TMEM132D: variants seen among roughly 807,000 people sequenced by gnomAD.
TMEM132D encodes transmembrane protein 132D.
In TMEM132D, 21 loss-of-function variants were observed where a neutral mutation model predicts 62.3. That is an observed-to-expected ratio of 0.34 (90% CI 0.24 to 0.49). The LOEUF (loss-of-function observed/expected upper bound fraction) is 0.49, where lower values mean the gene tolerates loss of function less well. Ranked by LOEUF, TMEM132D falls within the 20% of genes least tolerant of loss-of-function variation. The pLI is 0.99. For synonymous variants in TMEM132D, 621 were observed against 575.6 expected (o/e 1.08, Z -1.13); for missense variants, 1,346 against 1,402.8 (o/e 0.96, Z 0.65).
Position 129,497,262 on chromosome 12 carries a change from G to A in TMEM132D, c.1115+33797C>T, listed in dbSNP as rs1334486158. Among the ~76,000 whole-genome samples, 5 of 152,206 alleles carry A rather than the reference G, an allele frequency of 3.3e-5. No individual in the cohort carries two copies. The East Asian group carries it at 9.7e-4, about 29-fold the overall frequency. ...GGCGGAGGTTGTAGTGGGCTGAGATGGAACTACTGCATTCCGGCCTGGGCA... is the reference window on the plus strand; with the variant it reads ...GGCGGAGGTTGTAGTGGGCTGAGATAGAACTACTGCATTCCGGCCTGGGCA... On this transcript the variant is annotated intron_variant, in intron 3 of 8. Transcript: ENST00000422113.
chr12:129,689,917 G>A (rs1204566784), intron 2 of TMEM132D, among the ~76,000 whole-genome samples: 1 of 152,182 alleles, frequency 6.6e-6, no homozygotes, highest in Non-Finnish European at 1.5e-5. Context: ...GGAGAACTGA[G>A]GTTGTAGGAC....
chr12:129,670,658 T>C (rs1880481521), intron 2 of TMEM132D, among the ~76,000 whole-genome samples: 1 of 152,214 alleles, frequency 6.6e-6, no homozygotes, highest in Non-Finnish European at 1.5e-5. Context: ...AATAAAACTC[T>C]GGTCTCCCAC....
chr12:129,352,501 A>G (rs1037778873), intron 3 of TMEM132D, among the ~76,000 whole-genome samples: 2 of 150,368 alleles, frequency 1.3e-5, no homozygotes, highest in African/African-American at 4.9e-5. Context: ...AAGTTTTTGC[A>G]ATCTATGTAT....
At chr12:129,561,151 A>G (rs1043345656) in intron 2 of TMEM132D, among the ~76,000 whole-genome samples, 1 of 152,224 alleles carries the variant, frequency 6.6e-6, no homozygotes, top group East Asian at 1.9e-4. Flanking sequence ...TGCCTCTCTG[A>G]GAGATGATAC....
intron 1 of TMEM132D, among the ~76,000 whole-genome samples, chr12:129,773,169 G>A (rs1299136471): frequency 6.6e-6 from 1 of 152,218 alleles, no homozygotes; most frequent in Non-Finnish European, 1.5e-5. Context: ...GAAATAATTT[G>A]CTAAATTAAA....
intron 1 of TMEM132D, among the ~76,000 whole-genome samples, chr12:129,785,418 C>T (rs1430943424): frequency 6.6e-6 from 1 of 152,218 alleles, no homozygotes; most frequent in African/African-American, 2.4e-5. Context: ...AAATCTACCT[C>T]TGTGGGATTT....
At chr12:129,139,553 C>T (rs1242389229) in intron 5 of TMEM132D, among the ~76,000 whole-genome samples, 1 of 152,152 alleles carries the variant, frequency 6.6e-6, no homozygotes, top group Non-Finnish European at 1.5e-5. Flanking sequence ...TAATAGAAAA[C>T]ACCAAGCAAA....
chr12:129,268,265 A>G (rs1880750301), intron 4 of TMEM132D, among the ~76,000 whole-genome samples: 1 of 152,234 alleles, frequency 6.6e-6, no homozygotes, highest in South Asian at 2.1e-4. Context: ...GAATGGGAGA[A>G]AATTTTTGCA....
At chr12:129,484,912 C>T (rs901417623) in intron 3 of TMEM132D, among the ~76,000 whole-genome samples, 2 of 152,132 alleles carry the variant, frequency 1.3e-5, no homozygotes, top group Admixed American at 6.5e-5. Context: ...TCTTACTAAG[C>T]GGTTGGGTGG....
At chr12:129,285,539 A>AAAAG (rs56018646) in intron 4 of TMEM132D, among the ~76,000 whole-genome samples, 2 of 90,028 alleles carry the variant, frequency 2.2e-5, no homozygotes, top group Admixed American at 1.5e-4. Context: ...AAAAAAAAAA[A>AAAAG]AGAGAGAGAG....
At chr12:129,605,630 C>CATATATAT (rs1565920123) in intron 2 of TMEM132D, among the ~76,000 whole-genome samples, 1 of 117,802 alleles carries the variant, frequency 8.5e-6, no homozygotes, top group Admixed American at 9.6e-5. Context: ...TATACACACA[C>CATATATAT]ACACACACAC....
intron 2 of TMEM132D, among the ~76,000 whole-genome samples, chr12:129,616,376 G>A (rs997148771): frequency 6.6e-6 from 1 of 152,086 alleles, no homozygotes; most frequent in Non-Finnish European, 1.5e-5. Context: ...AGGGGTCTTT[G>A]GCCTTCTTTT....
chr12:129,360,688 T>C (rs984630938), intron 3 of TMEM132D, among the ~76,000 whole-genome samples: 1 of 152,148 alleles, frequency 6.6e-6, no homozygotes, highest in Admixed American at 6.5e-5. Context: ...GGGAATGCTC[T>C]CTAGATCAGT....
At chr12:129,782,115 C>T (rs61943421) in intron 1 of TMEM132D, among the ~76,000 whole-genome samples, 9,061 of 152,250 alleles carry the variant, frequency 0.06, 319 homozygotes, top group East Asian at 0.1. Context: ...CCCGAAATGC[C>T]TGGAACCAGA....
chr12:129,809,337 C>A (rs951708258), intron 1 of TMEM132D, among the ~76,000 whole-genome samples: 1 of 149,836 alleles, frequency 6.7e-6, no homozygotes, highest in Non-Finnish European at 1.5e-5. Context: ...TTTTTTTGAA[C>A]GCTCTGAGCA....
intron 2 of TMEM132D, among the ~76,000 whole-genome samples, chr12:129,597,493 C>T (rs145163222): frequency 1.3e-5 from 2 of 152,304 alleles, no homozygotes; most frequent in East Asian, 3.9e-4. Context: ...AGTGTTCCAT[C>T]AAGATTCCCC....
chr12:129,208,894 G>C (rs1276165032), intron 5 of TMEM132D: 1 of 152,216 alleles, frequency 6.6e-6, no homozygotes, highest in Non-Finnish European at 1.5e-5. Flanking sequence ...CCTTTGTTTT[G>C]AATCATTTTT....
At chr12:129,529,283 C>T (rs10773677) in intron 3 of TMEM132D, among the ~76,000 whole-genome samples, 101,708 of 152,130 alleles carry the variant, frequency 0.67, 34,492 homozygotes, top group African/African-American at 0.78. Context: ...TCAGGGTCCT[C>T]GTTTCTTAAA....
chr12:129,245,370 G>A (rs1020676053), intron 4 of TMEM132D, among the ~76,000 whole-genome samples: 1 of 152,158 alleles, frequency 6.6e-6, no homozygotes, highest in Non-Finnish European at 1.5e-5. Context: ...TGTCTTCCAT[G>A]TATTTTTATG....
Sources: allele counts gnomAD v4.1 joint callset (sites outside exome capture counted in the v4.1 genomes callset), GRCh38; gene constraint gnomAD v4.1.1; transcripts MANE v1.5; gene names NCBI Gene and HGNC (gene_info 2026-07-23, HGNC 2026-07-21).